Variants in KIAA0825 observed in about 807,000 individuals in gnomAD.
The protein encoded by KIAA0825 is KIAA0825, also known as uncharacterized protein KIAA0825.
KIAA0825 carries 119 observed loss-of-function variants against 147.6 expected under a neutral mutation model. That is an observed-to-expected ratio of 0.81 (90% CI 0.69 to 0.94). The LOEUF is 0.94. KIAA0825 is among the 40% of genes least tolerant of loss of function. The pLI, the probability that KIAA0825 is intolerant of heterozygous loss-of-function variation, is 0.00. For missense variants in KIAA0825, 1,381 were observed against 1,472.7 expected (o/e 0.94, Z 1.02); for synonymous variants, 470 against 518.1 (o/e 0.91, Z 1.26).
intron 20 of KIAA0825, among the ~76,000 whole-genome samples, chr5:94,382,223 G>T (rs1368236432): frequency 2.0e-5 from 3 of 152,112 alleles, no homozygotes; most frequent in African/African-American, 7.2e-5. Context: ...GTAGATGTTG[G>T]ATAGCATATA....
rs1761452429 is a variant in KIAA0825 at position 94,473,371 on chromosome 5, A to G, written c.1376T>C (p.Met459Thr). The change falls in exon 8 of 21, where the codon ATG (methionine) becomes ACG (threonine). Residue 459 changes from methionine (M) to threonine (T), a missense_variant. Met to Thr is a moderately conservative substitution (Grantham distance 81). Coordinates refer to ENST00000682413, the MANE Select transcript of KIAA0825 (RefSeq NM_001145678.3). ...AACTTGCTGGACATTTACAAGGTTC[A>G]TAGCATAGCTCACAGCTGAAGACCT... ...NERSSAVSYA[M>T]NLVNVQQVWQ... The G allele has an allele frequency of 8.4e-6, 13 of 1,551,866 alleles. No homozygotes were observed. Among genetic ancestry groups the G allele is most frequent in the Non-Finnish European group, 1.0e-5 (12 of 1,147,058 alleles).
chr5:94,539,663 G>A (rs945646761), intron 2 of KIAA0825, among the ~76,000 whole-genome samples: 3 of 152,150 alleles, frequency 2.0e-5, no homozygotes, highest in African/African-American at 7.2e-5. Flanking sequence ...GATTGGGTTA[G>A]AGGCTCAACT....
chr5:94,476,344 C>A (rs1232627471), intron 7 of KIAA0825, among the ~76,000 whole-genome samples: 1 of 152,118 alleles, frequency 6.6e-6, no homozygotes, highest in Non-Finnish European at 1.5e-5. Context: ...CAGGAGGCCG[C>A]AACCACCCCT....
intron 5 of KIAA0825, among the ~76,000 whole-genome samples, chr5:94,487,191 A>T (rs959214714): frequency 1.3e-5 from 2 of 152,210 alleles, no homozygotes; most frequent in African/African-American, 4.8e-5. Context: ...GTGAAAGGTA[A>T]ATCTTCTTTT....
At chr5:94,273,429 G>T (rs1777080929) in intron 20 of KIAA0825, among the ~76,000 whole-genome samples, 1 of 151,958 alleles carries the variant, frequency 6.6e-6, no homozygotes, top group Non-Finnish European at 1.5e-5. Flanking sequence ...GATTCACAGG[G>T]TACATGTGCA....
At chr5:94,593,219 AT>A in intron 1 of KIAA0825, 1 of 759,374 alleles carries the variant, frequency 1.3e-6, no homozygotes, top group Non-Finnish European at 2.5e-6. Context: ...GAAAGGTTTG[AT>A]ATTAAACTGC....
chr5:94,156,965 C>T (rs1205910145), intron 20 of KIAA0825, among the ~76,000 whole-genome samples: 2 of 151,040 alleles, frequency 1.3e-5, no homozygotes, highest in East Asian at 3.9e-4. Flanking sequence ...TAACACAATG[C>T]AAAAACAACA....
chr5:94,209,208 A>G (rs969195885), intron 20 of KIAA0825, among the ~76,000 whole-genome samples: 6 of 152,224 alleles, frequency 3.9e-5, no homozygotes, highest in African/African-American at 1.4e-4. Context: ...ATTGCATTAA[A>G]TGTTTTTTAT....
chr5:94,155,511 G>A (rs1766962760), intron 20 of KIAA0825, among the ~76,000 whole-genome samples: 1 of 152,062 alleles, frequency 6.6e-6, no homozygotes, highest in African/African-American at 2.4e-5. Flanking sequence ...TGAGCCACTA[G>A]TATGATATCT....
chr5:94,280,031 G>A lies in KIAA0825; in HGVS notation c.3710+104337C>T, dbSNP rs533981131. Among the ~76,000 whole-genome samples the A allele has an allele frequency of 3.3e-5, 5 of 152,188 alleles. No homozygotes were observed. The South Asian group carries it at 6.2e-4, about 19-fold the overall frequency. On this transcript the variant is annotated intron_variant, in intron 20 of 20. Transcript: ENST00000682413. The stretch of plus-strand genomic sequence containing the variant: ...CGATATCTTTAGAAGAAGCTCAGTC[G>A]GCACAGCCACACTCGGTGGCCTGGG...
intron 20 of KIAA0825, among the ~76,000 whole-genome samples, chr5:94,235,318 G>C (rs1774979381): frequency 6.6e-6 from 1 of 152,184 alleles, no homozygotes; most frequent in Non-Finnish European, 1.5e-5. Flanking sequence ...ATATGGAAAA[G>C]GTTTTACAGT....
At chr5:94,302,239 A>C (rs1160807080) in intron 20 of KIAA0825, among the ~76,000 whole-genome samples, 1 of 152,136 alleles carries the variant, frequency 6.6e-6, no homozygotes, top group African/African-American at 2.4e-5. Flanking sequence ...TCATGAAATG[A>C]TATAATTCAC....
intron 2 of KIAA0825, among the ~76,000 whole-genome samples, chr5:94,550,777 G>A (rs1014628711): frequency 1.3e-5 from 2 of 151,430 alleles, no homozygotes; most frequent in Non-Finnish European, 2.9e-5. Flanking sequence ...GGGAGGCGGA[G>A]CTTGCAGTGA....
chr5:94,383,817 G>A (rs1433742314), intron 20 of KIAA0825, among the ~76,000 whole-genome samples: 1 of 151,754 alleles, frequency 6.6e-6, no homozygotes, highest in Non-Finnish European at 1.5e-5. Flanking sequence ...GTGTGTGTGT[G>A]TGTGTGTATC....
In KIAA0825 at chr5:94,270,709, G is replaced by T. The variant is rs1200400213; in HGVS notation, c.3710+113659C>A. Among the ~76,000 whole-genome samples, 6 of 152,202 alleles carry T rather than the reference G, an allele frequency of 3.9e-5. No individual in the cohort carries two copies. The South Asian group carries it at 6.2e-4, about 16-fold the overall frequency. ...GGGAATTTCTTATAACAATCTGAAAGTAAGGATAACTCATTTTACTATGAC... is the reference window on the plus strand; with the variant it reads ...GGGAATTTCTTATAACAATCTGAAATTAAGGATAACTCATTTTACTATGAC... On this transcript the variant is annotated intron_variant, in intron 20 of 20. Transcript: ENST00000682413.
intron 1 of KIAA0825, among the ~76,000 whole-genome samples, chr5:94,596,927 G>T (rs914943015): frequency 6.6e-6 from 1 of 152,090 alleles, no homozygotes; most frequent in African/African-American, 2.4e-5. Context: ...TGTTGATTTT[G>T]TATCCTGAAA....
chr5:94,416,519 A>T (rs1207795541), intron 15 of KIAA0825: 2 of 152,204 alleles, frequency 1.3e-5, no homozygotes, highest in Non-Finnish European at 2.9e-5. Context: ...CTAAGTTTTC[A>T]TCCTTTGTTT....
At chr5:94,405,999 T>G (rs1396132590) in intron 15 of KIAA0825, among the ~76,000 whole-genome samples, 1 of 152,144 alleles carries the variant, frequency 6.6e-6, no homozygotes, top group African/African-American at 2.4e-5. Context: ...TGATCTTGGC[T>G]CACTGCAACC....
chr5:94,169,572 A>G (rs1343968238), intron 20 of KIAA0825, among the ~76,000 whole-genome samples: 2 of 151,926 alleles, frequency 1.3e-5, no homozygotes, highest in Non-Finnish European at 2.9e-5. Context: ...ACAGAAAAAA[A>G]AAAAAAAAAA....
Sources: gnomAD v4.1 joint callset for allele counts (sites outside exome capture counted in the v4.1 genomes callset) on GRCh38, gnomAD v4.1.1 for gene constraint, MANE v1.5 for transcripts, NCBI Gene and HGNC (gene_info 2026-07-23, HGNC 2026-07-21) for gene names.